The following GALNT17 variants were observed in gnomAD, a reference collection of about 807,000 sequenced individuals.
The protein encoded by GALNT17 is UDP-GalNAc:polypeptide N-acetylgalactosaminyltransferase-like 3.
A neutral mutation model predicts 63.7 loss-of-function variants in GALNT17; 29 were observed. The ratio of observed to expected loss-of-function variants is 0.46; its 90% CI spans 0.34 to 0.62. The LOEUF (loss-of-function observed/expected upper bound fraction) is 0.62. Ranked by LOEUF, GALNT17 falls within the 20% of genes least tolerant of loss-of-function variation. GALNT17 has a pLI of 0.01. For missense variants in GALNT17, 603 were observed against 799.6 expected (o/e 0.75, Z 2.97); for synonymous variants, 305 against 318.3 (o/e 0.96, Z 0.45).
intron 1 of GALNT17, among the ~76,000 whole-genome samples, chr7:71,245,848 G>GTTTTTT (rs542136452): frequency 6.5e-5 from 8 of 122,892 alleles, no homozygotes; most frequent in African/African-American, 1.2e-4. Context: ...AAGAGAGCAG[G>GTTTTTT]TTTTTTTTTT....
chr7:71,402,605 A>G (rs1438964972), intron 3 of GALNT17, among the ~76,000 whole-genome samples: 1 of 151,940 alleles, frequency 6.6e-6, no homozygotes, highest in Non-Finnish European at 1.5e-5. Context: ...ACATCTTGTC[A>G]CTAATACTTC....
At chr7:71,430,879 C>T (rs1038017409) in intron 5 of GALNT17, among the ~76,000 whole-genome samples, 1 of 152,104 alleles carries the variant, frequency 6.6e-6, no homozygotes, top group Non-Finnish European at 1.5e-5. Flanking sequence ...TATGCATCAG[C>T]AAATATATTT....
intron 1 of GALNT17, among the ~76,000 whole-genome samples, chr7:71,160,611 A>G (rs1003867133): frequency 6.6e-6 from 1 of 152,078 alleles, no homozygotes; most frequent in Non-Finnish European, 1.5e-5. Flanking sequence ...GGTGCCTGCT[A>G]CCATGCCTGG....
At chr7:71,693,342 G>T (rs1791491293) in intron 9 of GALNT17, among the ~76,000 whole-genome samples, 1 of 131,424 alleles carries the variant, frequency 7.6e-6, no homozygotes, top group South Asian at 2.8e-4. Context: ...CCAAAACAAT[G>T]CAATGTGAGA....
intron 1 of GALNT17, among the ~76,000 whole-genome samples, chr7:71,281,911 A>C (rs1790784893): frequency 6.6e-6 from 1 of 152,164 alleles, no homozygotes; most frequent in Non-Finnish European, 1.5e-5. Context: ...AGATGAGCTC[A>C]CCTGCTGGAG....
intron 5 of GALNT17, among the ~76,000 whole-genome samples, chr7:71,424,994 AT>A (rs543073570): frequency 1.1e-4 from 16 of 151,790 alleles, no homozygotes; most frequent in African/African-American, 1.9e-4. Flanking sequence ...ATATATTAAT[AT>A]TTTTTTTGTC....
At chr7:71,229,421 T>C (rs1177028021) in intron 1 of GALNT17, among the ~76,000 whole-genome samples, 3 of 152,188 alleles carry the variant, frequency 2.0e-5, no homozygotes. Flanking sequence ...AGACTCATGT[T>C]TTGGAGCGTT....
At chr7:71,486,045 C>T (rs979602663) in intron 5 of GALNT17, among the ~76,000 whole-genome samples, 7 of 152,068 alleles carry the variant, frequency 4.6e-5, no homozygotes, top group African/African-American at 1.4e-4. Flanking sequence ...TATATTTCCT[C>T]GGCCAGGCAC....
rs139570164 is a variant in GALNT17, at chr7:71,521,504, G to A, written c.963-49781G>A. Among the ~76,000 whole-genome samples the A allele has an allele frequency of 9.8e-4, 149 of 152,310 alleles. No homozygotes were observed. In the Middle Eastern group the frequency reaches 0.01, roughly 10 times the overall value. On this transcript the variant is annotated intron_variant, in intron 5 of 10. Transcript: ENST00000333538. The stretch of plus-strand genomic sequence containing the variant: ...TATTGCAATTCACACCTTCTCTGTT[G>A]AAGGGCTTGGAGCCTCCTTGTGCTA...
chr7:71,297,270 C>CA (rs1055031452), intron 1 of GALNT17, among the ~76,000 whole-genome samples: 1 of 152,116 alleles, frequency 6.6e-6, no homozygotes, highest in African/African-American at 2.4e-5. Flanking sequence ...GGGCCGGGCA[C>CA]AGTGGCTCAT....
chr7:71,436,955 G>A (rs917431348), intron 5 of GALNT17, among the ~76,000 whole-genome samples: 7 of 152,126 alleles, frequency 4.6e-5, no homozygotes, highest in Non-Finnish European at 8.8e-5. Context: ...TATCAGTCCA[G>A]CTGAGCATCT....
intron 1 of GALNT17, among the ~76,000 whole-genome samples, chr7:71,233,953 G>C (rs1056085943): frequency 1.3e-5 from 2 of 152,128 alleles, no homozygotes; most frequent in Non-Finnish European, 2.9e-5. Flanking sequence ...GGTCAAAGAG[G>C]GAGGTGCCAC....
intron 5 of GALNT17, among the ~76,000 whole-genome samples, chr7:71,490,328 C>T (rs1225190900): frequency 6.6e-6 from 1 of 151,806 alleles, no homozygotes. Context: ...GTTTTCGTCT[C>T]TTTCTTCACC....
At chr7:71,362,776 CG>C (rs1360249623) in intron 2 of GALNT17, among the ~76,000 whole-genome samples, 1 of 152,268 alleles carries the variant, frequency 6.6e-6, no homozygotes, top group East Asian at 1.9e-4. Flanking sequence ...AAGCCTTCCC[CG>C]TGAGTCGTGA....
chr7:71,588,424 T>C (rs1384096232), intron 6 of GALNT17, among the ~76,000 whole-genome samples: 1 of 152,218 alleles, frequency 6.6e-6, no homozygotes, highest in South Asian at 2.1e-4. Context: ...CCAATGTCTT[T>C]AAAATTATTT....
intron 6 of GALNT17, among the ~76,000 whole-genome samples, chr7:71,578,871 T>G (rs1229352223): frequency 6.6e-6 from 1 of 152,084 alleles, no homozygotes; most frequent in East Asian, 1.9e-4. Flanking sequence ...CAAGAGAGAT[T>G]TCCCCCTGCC....
chr7:71,686,784 C>A (rs1035020784), intron 9 of GALNT17, among the ~76,000 whole-genome samples: 1 of 152,128 alleles, frequency 6.6e-6, no homozygotes, highest in Non-Finnish European at 1.5e-5. Flanking sequence ...CATGTTCAAA[C>A]CTAACACGTT....
chr7:71,491,222 AAC>A (rs1248975117), intron 5 of GALNT17, among the ~76,000 whole-genome samples: 4 of 151,900 alleles, frequency 2.6e-5, no homozygotes, highest in Admixed American at 1.3e-4. Flanking sequence ...AGAAAAGAAA[AAC>A]ACAACATTTT....
At chr7:71,502,582 TG>T (rs1339120790) in intron 5 of GALNT17, among the ~76,000 whole-genome samples, 1 of 152,174 alleles carries the variant, frequency 6.6e-6, no homozygotes, top group Non-Finnish European at 1.5e-5. Context: ...GCCACCATGC[TG>T]GGAAGACCAT....
Sources: gnomAD v4.1 joint callset for allele counts (sites outside exome capture counted in the v4.1 genomes callset) on GRCh38, gnomAD v4.1.1 for gene constraint, MANE v1.5 for transcripts, NCBI Gene and HGNC (gene_info 2026-07-23, HGNC 2026-07-21) for gene names.